SZT2: variants seen among roughly 807,000 people sequenced by gnomAD.
SZT2 encodes KICSTOR complex protein SZT2.
Under a neutral mutation model 404.2 loss-of-function variants are expected in SZT2, and 216 were observed. The ratio of observed to expected loss-of-function variants is 0.53; its 90% CI spans 0.48 to 0.60. SZT2 has a LOEUF of 0.60. SZT2 is among the 20% of genes least tolerant of loss of function. The pLI is 0.00. For missense variants in SZT2, 3,857 were observed against 4,459.2 expected (o/e 0.86, Z 3.85); for synonymous variants, 1,693 against 1,749.9 (o/e 0.97, Z 0.81).
chr1:43,453,706 A>AGCTGCCC lies in SZT2; in HGVS notation c.*3229_*3235dup. On this transcript the variant is annotated 3_prime_UTR_variant, in exon 72 of 72. Coordinates refer to ENST00000634258, the MANE Select transcript of SZT2 (RefSeq NM_001365999.1). Reference sequence around the variant, plus strand: ...GCCACCTCGACGGCCTCGAAGCCCGAGCTGCCCGCGGCCCGCACCCGCGCG... The same window carrying AGCTGCCC: ...GCCACCTCGACGGCCTCGAAGCCCGAGCTGCCCGCTGCCCGCGGCCCGCACCCGCGCG... 2.1e-6 allele frequency: 3 copies of AGCTGCCC among 1,420,024 alleles called. No homozygotes were observed. Among genetic ancestry groups the AGCTGCCC allele is most frequent in the Non-Finnish European group, 2.7e-6 (3 of 1,096,802 alleles). The allele number at this position is 1,420,024 out of a possible 1,614,324, so 88.0% of individuals were successfully genotyped here. A position where few individuals can be genotyped will look rare whatever the true frequency, so the allele number is the denominator to read the frequency against.
Position 43,428,490 on chromosome 1 carries a change from A to G in SZT2, c.4166+4A>G, listed in dbSNP as rs184298720. On this transcript the variant is annotated splice_donor_region_variant and intron_variant, in intron 28 of 71. Transcript: ENST00000634258. ...CTATCCTAGCTTCTGAATCCAGGTT[A>G]GGATTATACTTGAATGATGGATAAG... is the stretch of plus-strand genomic sequence containing the variant. 32 of 1,612,834 alleles carry G rather than the reference A, an allele frequency of 2.0e-5. No homozygotes were observed. The East Asian group carries it at 5.8e-4, about 29-fold the overall frequency.
intron 1 of SZT2, among the ~76,000 whole-genome samples, chr1:43,402,331 A>C (rs1018859213): frequency 6.6e-6 from 1 of 152,186 alleles, no homozygotes; most frequent in Admixed American, 6.5e-5. Flanking sequence ...ACTGTGGGCA[A>C]GTTTATCTGC....
At chr1:43,438,040 C>A in intron 46 of SZT2, 138 bp downstream of exon 46, 1 of 824,426 alleles carries the variant, frequency 1.2e-6, no homozygotes, top group East Asian at 2.6e-5. Flanking sequence ...GTTAAGTGAG[C>A]CATAAATACT....
chr1:43,445,444 C>T (rs1354350583), intron 62 of SZT2: 1 of 245,836 alleles, frequency 4.1e-6, no homozygotes, highest in African/African-American at 2.2e-5. Context: ...CTATCCTCTG[C>T]ACTAAACTGT....
At position 43,450,241 on chromosome 1, in the gene SZT2, C is replaced by T; in HGVS notation, c.10155+70C>T. On this transcript the variant is annotated intron_variant, in intron 71 of 71. Coordinates refer to ENST00000634258, the MANE Select transcript of SZT2 (RefSeq NM_001365999.1). This position sits in a 1 kb window ranked among gnomAD's most constrained non-coding sequence, Gnocchi z 4.3. The stretch of plus-strand genomic sequence containing the variant: ...TACCCCAAATGCTCCACCTCGGAGC[C>T]TGCTGAGGTTGGGGTGCCCACCCTT... 1 of 1,613,152 alleles carries T rather than the reference C, an allele frequency of 6.2e-7. No homozygotes were observed. The highest frequency in any genetic ancestry group is 1.1e-5 in the South Asian group (1 of 91,054).
At chr1:43,423,727 TA>T (rs1652764325) in intron 15 of SZT2, among the ~76,000 whole-genome samples, 1 of 144,696 alleles carries the variant, frequency 6.9e-6, no homozygotes, top group African/African-American at 2.6e-5. Flanking sequence ...GTATGAGTGG[TA>T]CAGAGGTGTG....
Position 43,450,378 on chromosome 1 carries a change from C to G in SZT2, c.10197C>G (p.Pro3399=), listed in dbSNP as rs1221935214. The change falls in exon 72 of 72, where the codon CCC becomes CCG. Residue 3399 remains proline (P), a synonymous_variant. Coordinates refer to ENST00000634258, the MANE Select transcript of SZT2 (RefSeq NM_001365999.1). The surrounding 1 kb of genome is among the most constrained non-coding windows in gnomAD (Gnocchi z 4.3). ...VVFREPFPVQ[P]QDSESPPAQL... is the part of the protein sequence containing the mutation. ...TCCGAGAGCCCTTCCCAGTACAGCC[C>G]CAGGACAGCGAGAGCCCCCCTGCCC... The G allele has an allele frequency of 6.2e-7, 1 of 1,614,118 alleles. No homozygotes were observed. Among genetic ancestry groups the G allele is most frequent in the East Asian group, 2.2e-5 (1 of 44,870 alleles).
intron 4 of SZT2, among the ~76,000 whole-genome samples, chr1:43,411,635 G>A (rs1651054456): frequency 6.6e-6 from 1 of 151,988 alleles, no homozygotes; most frequent in African/African-American, 2.4e-5. Flanking sequence ...CCCATCAAGT[G>A]CTGAGCTCCA....
At chr1:43,392,318 G>GC (rs1193368468) in intron 1 of SZT2, among the ~76,000 whole-genome samples, 1 of 151,754 alleles carries the variant, frequency 6.6e-6, no homozygotes, top group African/African-American at 2.4e-5. Flanking sequence ...GTGCTCAGTA[G>GC]CCCCATATAG....
Position 43,434,859 on chromosome 1 carries a change from A to G in SZT2, c.5905-341A>G, listed in dbSNP as rs1287636796. On this transcript the variant is annotated intron_variant, in intron 41 of 71. Transcript: ENST00000634258. Reference sequence around the variant, plus strand: ...AATTACACAACTTACTTCAATTACAATTGTGAAGAATCCTAAAAGGAACAG... The same window carrying G: ...AATTACACAACTTACTTCAATTACAGTTGTGAAGAATCCTAAAAGGAACAG... 6.6e-6 allele frequency among the ~76,000 whole-genome samples: 1 copy of G among 152,222 alleles called. No individual in the cohort carries two copies. Among genetic ancestry groups the G allele is most frequent in the Admixed American group, 6.5e-5 (1 of 15,286 alleles).
At position 43,448,222 on chromosome 1, in the gene SZT2, C is replaced by T. The variant is rs1249076358; in HGVS notation, c.9707C>T (p.Ser3236Leu). The T allele has an allele frequency of 1.2e-6, 2 of 1,606,718 alleles. No individual in the cohort carries two copies. Among genetic ancestry groups the T allele is most frequent in the South Asian group, 2.2e-5 (2 of 90,122 alleles). ...GSSAGSPGEA[S>L]GLILAPGPAP... ...TCAGCTGGCAGCCCTGGGGAGGCCT[C>T]AGGGCTTATTCTAGCGCCTGGACCG... is the stretch of plus-strand genomic sequence containing the variant. The change falls in exon 69 of 72, where the codon TCA becomes TTA. Residue 3236 changes from serine to leucine, a missense_variant. Coordinates refer to ENST00000634258, the MANE Select transcript of SZT2 (RefSeq NM_001365999.1). The surrounding 1 kb of genome is among the most constrained non-coding windows in gnomAD (Gnocchi z 4.2).
chr1:43,426,112 T>C lies in SZT2; in HGVS notation c.3004T>C (p.Cys1002Arg), dbSNP rs1653113993. Residue 1002 changes from cysteine to arginine, a missense_variant, in exon 21 of 72, where the codon TGC (cysteine) becomes CGC (arginine). This residue lies in a region of SZT2 where 1,725 missense variants were observed against 1,881.0 expected (regional missense o/e 0.92). Transcript: ENST00000634258. The surrounding 1 kb of genome is among the most constrained non-coding windows in gnomAD (Gnocchi z 4.9). Reference sequence around the variant, plus strand: ...TGACCTAATGGGATTGCTGCCACAGTGCCAGCAGCTCCAGATGTTCTTCCT... The same window carrying C: ...TGACCTAATGGGATTGCTGCCACAGCGCCAGCAGCTCCAGATGTTCTTCCT... The part of the protein sequence containing the change: ...HFDLMGLLPQ[C>R]QQLQMFFLLL... 6.2e-7 allele frequency: 1 copy of C among 1,614,056 alleles called. No homozygotes were observed. Among genetic ancestry groups the C allele is most frequent in the African/African-American group, 1.3e-5 (1 of 74,912 alleles).
Position 43,434,311 on chromosome 1 carries a change from T to C in SZT2, c.5805-75T>C. The C allele has an allele frequency of 2.3e-6, 3 of 1,278,010 alleles. No homozygotes were observed. In the South Asian group the frequency reaches 4.0e-5, roughly 17 times the overall value. 79.2% of individuals were successfully genotyped at this position (1,278,010 alleles called of 1,614,324 possible). A position where few individuals can be genotyped will look rare whatever the true frequency, so the allele number is the denominator to read the frequency against. On this transcript the variant is annotated intron_variant, in intron 40 of 71. Transcript: ENST00000634258. ...CTCGTGATACGTATAACTGCAGTTA[T>C]GTCATATACATATCATGCCATTACA... is the stretch of plus-strand genomic sequence containing the variant.
At position 43,420,665 on chromosome 1, in the gene SZT2, G is replaced by T; in HGVS notation, c.1262-84G>T. The T allele has an allele frequency of 7.6e-7, 1 of 1,323,234 alleles. No homozygotes were observed. Among genetic ancestry groups the T allele is most frequent in the Non-Finnish European group, 1.0e-6 (1 of 956,234 alleles). The allele number at this position is 1,323,234 out of a possible 1,614,324, so 82.0% of individuals were successfully genotyped here. A position where few individuals can be genotyped will look rare whatever the true frequency, so the allele number is the denominator to read the frequency against. On this transcript the variant is annotated intron_variant, in intron 9 of 71. Coordinates refer to ENST00000634258, the MANE Select transcript of SZT2 (RefSeq NM_001365999.1). The surrounding 1 kb of genome is among the most constrained non-coding windows in gnomAD (Gnocchi z 5.1). ...CTTTGGCAGGACTGGGTTCCATGAG[G>T]TAGGTGGGGGTTTCAGATAGAACTC...
Position 43,425,065 on chromosome 1 carries a change from T to C in SZT2, c.2551-48T>C. On this transcript the variant is annotated intron_variant, in intron 17 of 71. Transcript: ENST00000634258. This position sits in a 1 kb window ranked among gnomAD's most constrained non-coding sequence, Gnocchi z 4.3. ...AGGGCCAGAGCTAGGCCAGGCCAGA[T>C]CTCTGCCTTGGCTGGGATTTGCCCA... 1 of 1,608,162 alleles carries C rather than the reference T, an allele frequency of 6.2e-7. No homozygotes were observed. The highest frequency in any genetic ancestry group is 8.5e-7 in the Non-Finnish European group (1 of 1,174,614).
Position 43,453,458 on chromosome 1 carries a change from G to C in SZT2, c.*2978G>C. 1.9e-6 allele frequency: 3 copies of C among 1,563,790 alleles called. No homozygotes were observed. The highest frequency in any genetic ancestry group is 2.6e-6 in the Non-Finnish European group (3 of 1,153,078). On this transcript the variant is annotated 3_prime_UTR_variant, in exon 72 of 72. Transcript: ENST00000634258. ...CTCTCGGAAGGCCGCCTGTCTCCCG[G>C]GGACGGCCCCCAGCCCCATTTCCCC...
rs1655835735 is a variant in SZT2, at chr1:43,447,621, C to T, written c.9363C>T (p.Tyr3121=). The T allele has an allele frequency of 1.2e-6, 2 of 1,614,216 alleles. No individual in the cohort carries two copies. Among genetic ancestry groups the T allele is most frequent in the Non-Finnish European group, 1.7e-6 (2 of 1,180,044 alleles). The change falls in exon 67 of 72, where the codon TAC becomes TAT. Residue 3121 remains tyrosine, a synonymous_variant. Transcript: ENST00000634258. ...ACGTGGCTGATCACGCCAGCTCTTA[C>T]CACATGAAGCCATTGCGAATGGCCC... is the stretch of plus-strand genomic sequence containing the variant. ...YNYVADHASS[Y]HMKPLRMARP... is the part of the protein sequence containing the mutation.
rs116454519 is a variant in SZT2 at position 43,440,440 on chromosome 1, C to G, written c.7211-13C>G. ...GATCAGTGATGGGTGTCTGTAATGTCTGATGTCCACAGGAAGTCTCAGGAA... is the reference window on the plus strand; with the variant it reads ...GATCAGTGATGGGTGTCTGTAATGTGTGATGTCCACAGGAAGTCTCAGGAA... On this transcript the variant is annotated splice_polypyrimidine_tract_variant and intron_variant, in intron 51 of 71. Coordinates refer to ENST00000634258, the MANE Select transcript of SZT2 (RefSeq NM_001365999.1). 1.2e-3 allele frequency: 1,906 copies of G among 1,573,906 alleles called. 24 individuals carry two copies. The African/African-American group carries it at 0.023, about 19-fold the overall frequency.
rs550692594 is a variant in SZT2, at chr1:43,437,665, C to G, written c.6361C>G (p.Arg2121Gly). 1 of 1,613,990 alleles carries G rather than the reference C, an allele frequency of 6.2e-7. No individual in the cohort carries two copies. Among genetic ancestry groups the G allele is most frequent in the Non-Finnish European group, 8.5e-7 (1 of 1,180,026 alleles). ...DALPPSLALSRSQEPIYSEEA... is the reference protein window; with the variant it reads ...DALPPSLALSGSQEPIYSEEA... Reference sequence around the variant, plus strand: ...GCTGCCCCCTTCCCTCGCTCTGTCCCGAAGCCAAGAGCCCATCTACTCTGA... The same window carrying G: ...GCTGCCCCCTTCCCTCGCTCTGTCCGGAAGCCAAGAGCCCATCTACTCTGA... Residue 2121 changes from arginine (R) to glycine (G), a missense_variant, in exon 45 of 72, where the codon CGA becomes GGA. Around this residue, in one of 7 missense-constraint regions of SZT2, gnomAD observed 261 missense variants for 372.9 expected, o/e 0.70. Transcript: ENST00000634258. The surrounding 1 kb of genome is among the most constrained non-coding windows in gnomAD (Gnocchi z 5.3).
Sources: allele counts gnomAD v4.1 joint callset (sites outside exome capture counted in the v4.1 genomes callset), GRCh38; gene constraint gnomAD v4.1.1; regional missense constraint gnomAD v4.1.1; non-coding constraint Gnocchi (gnomAD v3.1); transcripts MANE v1.5; gene names NCBI Gene and HGNC (gene_info 2026-07-23, HGNC 2026-07-21).